Variants in DENND1B observed in about 807,000 individuals in gnomAD.
DENND1B encodes DENN domain containing 1B, also known as DENN domain-containing protein 1B.
In DENND1B, 59 loss-of-function variants were observed where a neutral mutation model predicts 90.1. That is an observed-to-expected ratio of 0.65 (90% CI 0.53 to 0.81). The LOEUF (loss-of-function observed/expected upper bound fraction) is 0.81. Among genes scored for constraint, DENND1B ranks in the 40% least tolerant of loss-of-function variants. DENND1B has a pLI of 0.00. For missense variants in DENND1B, 862 were observed against 912.6 expected, an observed-to-expected ratio of 0.94 and a Z score of 0.71; for synonymous variants, 337 against 324.6, an observed-to-expected ratio of 1.04 and a Z score of -0.41.
chr1:197,767,914 T>C (rs544367322), intron 2 of DENND1B, among the ~76,000 whole-genome samples: 1 of 152,300 alleles, frequency 6.6e-6, no homozygotes, highest in South Asian at 2.1e-4. Context: ...CACTATGCAA[T>C]GGGAGGCAAC....
At chr1:197,639,928 T>A (rs1680125326) in intron 10 of DENND1B, among the ~76,000 whole-genome samples, 1 of 152,132 alleles carries the variant, frequency 6.6e-6, no homozygotes, top group African/African-American at 2.4e-5. Context: ...GAACTTGAAT[T>A]ATGTTTCTTT....
At chr1:197,669,574 G>C (rs1340727646) in intron 5 of DENND1B, among the ~76,000 whole-genome samples, 2 of 151,958 alleles carry the variant, frequency 1.3e-5, no homozygotes, top group African/African-American at 4.8e-5. Context: ...CTCTAAATCA[G>C]CTGTTCTCAA....
chr1:197,574,114 T>G (rs556404831), intron 15 of DENND1B, among the ~76,000 whole-genome samples: 1 of 152,116 alleles, frequency 6.6e-6, no homozygotes, highest in Non-Finnish European at 1.5e-5. Context: ...GAGAAAGAAA[T>G]AAAGTGTATT....
At chr1:197,703,741 T>C (rs528612012) in intron 3 of DENND1B, among the ~76,000 whole-genome samples, 2 of 152,244 alleles carry the variant, frequency 1.3e-5, no homozygotes, top group African/African-American at 2.4e-5. Flanking sequence ...TTTTTTTGCC[T>C]ACAATAACAA....
chr1:197,678,535 C>A (rs1046238218), intron 3 of DENND1B, among the ~76,000 whole-genome samples: 8 of 152,072 alleles, frequency 5.3e-5, no homozygotes, highest in Non-Finnish European at 1.2e-4. Context: ...TTTATTTATA[C>A]TTTACACAAG....
chr1:197,511,824 A>G lies in DENND1B; in HGVS notation c.1719T>C (p.Asp573=), dbSNP rs1329326410. The G allele has an allele frequency of 1.3e-5, 21 of 1,611,368 alleles. No individual in the cohort carries two copies. Among genetic ancestry groups the G allele is most frequent in the Non-Finnish European group, 1.8e-5 (21 of 1,178,264 alleles). Residue 573 remains aspartate, a synonymous_variant, in exon 22 of 23, where the codon GAT becomes GAC. Transcript: ENST00000620048. The stretch of plus-strand genomic sequence containing the variant: ...GATCTGAGCTGTGTGTGCTCAATGT[A>G]TCAAGAATCTCTCCTAGTAAGTCCA... ...GEMDLLGEIL[D]TLSTHSSDQG...
In DENND1B at chr1:197,645,762, T is replaced by A. The variant is rs958104079; in HGVS notation, c.508-19A>T. The A allele has an allele frequency of 1.3e-6, 2 of 1,514,854 alleles. No homozygotes were observed. The highest frequency in any genetic ancestry group is 2.4e-5 in the East Asian group (1 of 41,842). The allele number at this position is 1,514,854 out of a possible 1,614,324, so 93.8% of individuals were successfully genotyped here. A position where few individuals can be genotyped will look rare whatever the true frequency, so the allele number is the denominator to read the frequency against. ...AGGAATGCTAATCAATACAAATAAA[T>A]CACATATGAAAAAGATAATTAAAAC... is the stretch of plus-strand genomic sequence containing the variant. On this transcript the variant is annotated intron_variant, in intron 8 of 22. Coordinates refer to ENST00000620048, the MANE Select transcript of DENND1B (RefSeq NM_001195215.2).
At chr1:197,673,438 A>G (rs964515998) in intron 4 of DENND1B, among the ~76,000 whole-genome samples, 1 of 152,066 alleles carries the variant, frequency 6.6e-6, no homozygotes, top group Non-Finnish European at 1.5e-5. Flanking sequence ...TTTTCCTAAA[A>G]TAAACATTCT....
intron 20 of DENND1B, among the ~76,000 whole-genome samples, chr1:197,529,268 G>GTA (rs142916713): frequency 7.2e-5 from 1 of 13,912 alleles, no homozygotes; most frequent in Non-Finnish European, 1.8e-4. Flanking sequence ...GTGTGTGTGT[G>GTA]TATATGTATA....
Position 197,658,364 on chromosome 1 carries a change from A to G in DENND1B, c.302T>C (p.Leu101Pro), listed in dbSNP as rs1350097633. Residue 101 changes from leucine to proline, a missense_variant, in exon 6 of 23, where the codon CTT (leucine) becomes CCT (proline). Physicochemically the swap from Leu to Pro is moderately conservative, Grantham distance 98. Transcript: ENST00000620048. ...GTICLCILSY[L>P]PWFEVYYKLL... ...CTTGTAATACACTTCAAACCAGGGA[A>G]GGTAACTGTAAAATAATTATTTTAA... The G allele has an allele frequency of 6.3e-7, 1 of 1,593,370 alleles. No homozygotes were observed. The highest frequency in any genetic ancestry group is 8.6e-7 in the Non-Finnish European group (1 of 1,165,074).
chr1:197,675,380 C>T (rs1572279931), intron 3 of DENND1B, among the ~76,000 whole-genome samples: 1 of 151,946 alleles, frequency 6.6e-6, no homozygotes, highest in Non-Finnish European at 1.5e-5. Flanking sequence ...AATTCCAATA[C>T]CAATACCTAA....
chr1:197,716,859 T>C (rs1045262408), intron 2 of DENND1B, among the ~76,000 whole-genome samples: 2 of 151,996 alleles, frequency 1.3e-5, no homozygotes, highest in African/African-American at 2.4e-5. Context: ...AGTATACTTA[T>C]GTTATTGAAT....
At chr1:197,561,172 A>G (rs920469756) in intron 15 of DENND1B, among the ~76,000 whole-genome samples, 5 of 151,902 alleles carry the variant, frequency 3.3e-5, no homozygotes, top group African/African-American at 1.2e-4. Flanking sequence ...AGCAAAATTC[A>G]AAAGAGCTGT....
At chr1:197,715,146 ACT>A (rs1369315702) in intron 2 of DENND1B, 72 bp from the exon 3 acceptor site, 15 of 1,297,186 alleles carry the variant, frequency 1.2e-5, no homozygotes, top group Non-Finnish European at 1.5e-5. Flanking sequence ...TTGGTTAAAC[ACT>A]CTTAAAATTG....
chr1:197,558,403 C>T (rs1671884448), intron 15 of DENND1B, among the ~76,000 whole-genome samples: 1 of 151,688 alleles, frequency 6.6e-6, no homozygotes, highest in Admixed American at 6.6e-5. Flanking sequence ...AAATCATCAA[C>T]AATTGCAAGA....
intron 2 of DENND1B, among the ~76,000 whole-genome samples, chr1:197,724,163 C>A (rs1661426750): frequency 6.6e-6 from 1 of 151,998 alleles, no homozygotes; most frequent in African/African-American, 2.4e-5. Flanking sequence ...AGCTAAAATT[C>A]ATGAATAGAA....
At chr1:197,737,109 C>T (rs1167097251) in intron 2 of DENND1B, among the ~76,000 whole-genome samples, 1 of 152,130 alleles carries the variant, frequency 6.6e-6, no homozygotes, top group African/African-American at 2.4e-5. Flanking sequence ...CCAGTTCTTC[C>T]AATTGCACAC....
At chr1:197,527,967 T>C (rs1669266362) in intron 20 of DENND1B, among the ~76,000 whole-genome samples, 1 of 152,188 alleles carries the variant, frequency 6.6e-6, no homozygotes, top group Admixed American at 6.5e-5. Context: ...CCGAAATCTA[T>C]TACATCATCC....
intron 3 of DENND1B, among the ~76,000 whole-genome samples, chr1:197,694,073 A>C (rs1468667205): frequency 6.6e-6 from 1 of 151,478 alleles, no homozygotes; most frequent in East Asian, 1.9e-4. Flanking sequence ...GTAACCTGAC[A>C]ATACTTCCTT....
Sources: allele counts gnomAD v4.1 joint callset (sites outside exome capture counted in the v4.1 genomes callset), GRCh38; gene constraint gnomAD v4.1.1; transcripts MANE v1.5; gene names NCBI Gene and HGNC (gene_info 2026-07-23, HGNC 2026-07-21).